Variants in FAM135B observed in about 807,000 individuals in gnomAD.
The protein encoded by FAM135B is family with sequence similarity 135 member B, also known as protein FAM135B.
FAM135B carries 43 observed loss-of-function variants against 127.7 expected under a neutral mutation model. The observed-to-expected ratio is 0.34, with a 90% confidence interval of 0.26 to 0.43. The LOEUF (loss-of-function observed/expected upper bound fraction) is 0.43. FAM135B is among the 20% of genes least tolerant of loss of function. The pLI, the probability that FAM135B is intolerant of heterozygous loss-of-function variation, is 1.00. For missense variants in FAM135B, 1,558 were observed against 1,725.6 expected (o/e 0.90, Z 1.72); for synonymous variants, 670 against 665.1 (o/e 1.01, Z -0.11).
chr8:138,467,620 C>G (rs1837448943), intron 1 of FAM135B, among the ~76,000 whole-genome samples: 1 of 152,136 alleles, frequency 6.6e-6, no homozygotes, highest in African/African-American at 2.4e-5. Flanking sequence ...AGAAAACAAT[C>G]AGACAACTCC....
chr8:138,206,458 A>G (rs1409643842), intron 7 of FAM135B, among the ~76,000 whole-genome samples: 13 of 137,266 alleles, frequency 9.5e-5, no homozygotes, highest in South Asian at 2.4e-4. Context: ...TCTACACACA[A>G]CTCCAGCATC....
At chr8:138,400,353 T>A (rs1464234406) in intron 1 of FAM135B, among the ~76,000 whole-genome samples, 6 of 152,096 alleles carry the variant, frequency 3.9e-5, no homozygotes, top group African/African-American at 1.4e-4. Flanking sequence ...CCTTCTGGAA[T>A]AAGTGGAGAG....
At chr8:138,231,362 G>A (rs1012793953) in intron 7 of FAM135B, among the ~76,000 whole-genome samples, 1 of 152,116 alleles carries the variant, frequency 6.6e-6, no homozygotes, top group Non-Finnish European at 1.5e-5. Flanking sequence ...CTCCGTGAGA[G>A]TAGGGACCAG....
At position 138,131,868 on chromosome 8, in the gene FAM135B, G is replaced by T. The variant is rs1333134311; in HGVS notation, c.*725C>A. The T allele has an allele frequency of 1.3e-5, 2 of 152,650 alleles. No individual in the cohort carries two copies. The highest frequency in any genetic ancestry group is 2.1e-4 in the South Asian group (1 of 4,830). The allele number at this position is 152,650 out of a possible 1,614,324, so 9.5% of individuals were successfully genotyped here. On this transcript the variant is annotated 3_prime_UTR_variant, in exon 20 of 20. Transcript: ENST00000395297. ...TTGTGGATCAGGGCTCTGCATAGAA[G>T]AATTCTGGGGAAGTAGGTGGAGCAA... is the stretch of plus-strand genomic sequence containing the variant.
intron 7 of FAM135B, among the ~76,000 whole-genome samples, chr8:138,213,281 C>T (rs549756011): frequency 6.6e-6 from 1 of 152,274 alleles, no homozygotes; most frequent in East Asian, 1.9e-4. Context: ...GTATTAAGTG[C>T]ACCGTACGAT....
At chr8:138,397,360 G>A (rs560580542) in intron 1 of FAM135B, among the ~76,000 whole-genome samples, 48 of 152,230 alleles carry the variant, frequency 3.2e-4, no homozygotes, top group African/African-American at 1.1e-3. Flanking sequence ...CATGGACACC[G>A]ACCGCTTAAG....
intron 3 of FAM135B, among the ~76,000 whole-genome samples, chr8:138,299,081 A>AAATC (rs1825683460): frequency 6.7e-6 from 1 of 148,314 alleles, no homozygotes. Flanking sequence ...ATAAATAAAT[A>AAATC]AATAAATAAA....
intron 7 of FAM135B, among the ~76,000 whole-genome samples, chr8:138,217,882 A>G (rs1818695827): frequency 1.3e-5 from 2 of 152,196 alleles, no homozygotes; most frequent in African/African-American, 4.8e-5. Flanking sequence ...GTTGAATGTT[A>G]CTATGAAACA....
chr8:138,485,376 T>A (rs1814944016), intron 1 of FAM135B, among the ~76,000 whole-genome samples: 1 of 151,874 alleles, frequency 6.6e-6, no homozygotes. Context: ...CAAGGAAGAG[T>A]CGCATCGAGG....
rs1354546091 is a variant in FAM135B at position 138,268,935 on chromosome 8, T to G, written c.158-3093A>C. Among the ~76,000 whole-genome samples the G allele has an allele frequency of 2.0e-5, 3 of 151,896 alleles. No homozygotes were observed. In the East Asian group the frequency reaches 5.8e-4, roughly 29 times the overall value. ...ACCACGCATAACAAGAGTTGAAACT[T>G]TAAGGGGAAAAAAGAGATGAAAAGA... On this transcript the variant is annotated intron_variant, in intron 3 of 19. Coordinates refer to ENST00000395297, the MANE Select transcript of FAM135B (RefSeq NM_015912.4).
chr8:138,269,578 G>A (rs1283786781), intron 3 of FAM135B, among the ~76,000 whole-genome samples: 4 of 152,174 alleles, frequency 2.6e-5, no homozygotes, highest in African/African-American at 9.7e-5. Context: ...GCCAACAGAA[G>A]TGGAAAAGCC....
intron 3 of FAM135B, among the ~76,000 whole-genome samples, chr8:138,299,902 T>C (rs1825755417): frequency 6.6e-6 from 1 of 152,184 alleles, no homozygotes; most frequent in Non-Finnish European, 1.5e-5. Flanking sequence ...TTAATATAAT[T>C]AAAATTGGTA....
intron 7 of FAM135B, among the ~76,000 whole-genome samples, chr8:138,240,344 T>C (rs539208531): frequency 2.0e-5 from 3 of 152,266 alleles, no homozygotes; most frequent in South Asian, 2.1e-4. Flanking sequence ...TGGTCTATCA[T>C]GTGTGCCATT....
At chr8:138,452,474 T>C (rs1836551032) in intron 1 of FAM135B, among the ~76,000 whole-genome samples, 1 of 152,058 alleles carries the variant, frequency 6.6e-6, no homozygotes, top group Non-Finnish European at 1.5e-5. Flanking sequence ...AAGAGTAGGA[T>C]TGAGAGGCCC....
intron 7 of FAM135B, among the ~76,000 whole-genome samples, chr8:138,237,974 T>C (rs1378891292): frequency 6.6e-6 from 1 of 152,144 alleles, no homozygotes; most frequent in Non-Finnish European, 1.5e-5. Context: ...GACCAGGCAG[T>C]GTCAGGGATA....
chr8:138,197,113 GTGTGTATA>G (rs750729374), intron 8 of FAM135B, among the ~76,000 whole-genome samples: 14,906 of 58,590 alleles, frequency 0.25, 1,002 homozygotes, highest in Admixed American at 0.42. Flanking sequence ...GTGTGTGTGT[GTGTGTATA>G]TATATAGTTT....
At chr8:138,412,101 C>A (rs1185765953) in intron 1 of FAM135B, among the ~76,000 whole-genome samples, 1 of 152,106 alleles carries the variant, frequency 6.6e-6, no homozygotes, top group African/African-American at 2.4e-5. Context: ...GCTGAAAAAC[C>A]AACTCTTAGA....
intron 2 of FAM135B, among the ~76,000 whole-genome samples, chr8:138,345,256 G>T (rs1829330393): frequency 1.3e-5 from 2 of 152,184 alleles, no homozygotes; most frequent in South Asian, 4.1e-4. Context: ...TCACAGTGAG[G>T]TGATTAGCAT....
intron 7 of FAM135B, among the ~76,000 whole-genome samples, chr8:138,220,421 G>A (rs1818938227): frequency 6.6e-6 from 1 of 152,126 alleles, no homozygotes; most frequent in Non-Finnish European, 1.5e-5. Context: ...GTTGAGCCTG[G>A]AGCCTCTGAA....
Sources: allele counts gnomAD v4.1 joint callset (sites outside exome capture counted in the v4.1 genomes callset), GRCh38; gene constraint gnomAD v4.1.1; transcripts MANE v1.5; gene names NCBI Gene and HGNC (gene_info 2026-07-23, HGNC 2026-07-21).